CCL3L3: variants seen among roughly 807,000 people sequenced by gnomAD.
CCL3L3 encodes the protein C-C motif chemokine 3-like 1.
Under a neutral mutation model 9.0 loss-of-function variants are expected in CCL3L3, and 6 were observed. The ratio of observed to expected loss-of-function variants is 0.67; its 90% CI spans 0.37 to 1.32. CCL3L3 has a LOEUF of 1.32. CCL3L3 is among the 40% of genes most tolerant of loss of function. The pLI is 0.02. For synonymous variants in CCL3L3, 38 were observed against 45.7 expected (o/e 0.83, Z 0.68); for missense variants, 93 against 117.0 (o/e 0.79, Z 0.95).
intron 1 of CCL3L3, 113 bp downstream of exon 1, chr17:36,196,485 G>A (rs1326120091): frequency 2.0e-5 from 26 of 1,299,998 alleles, no homozygotes; most frequent in South Asian, 6.1e-5. Context: ...GTTTGGCAGC[G>A]CTTTAAGAAC....
chr17:36,195,946 A>T, intron 1 of CCL3L3, 34 bp from the exon 2 acceptor site: 3 of 1,204,686 alleles, frequency 2.5e-6, no homozygotes, highest in Non-Finnish European at 3.4e-6. Context: ...CCCGAGTCAC[A>T]GCTCAGAAGA....
At chr17:36,195,455 G>T (rs1339438919) in intron 2 of CCL3L3, 79 bp from the exon 3 acceptor site, 6 of 1,518,048 alleles carry the variant, frequency 4.0e-6, no homozygotes, top group Non-Finnish European at 5.5e-6. Context: ...CTGACATCCT[G>T]CTCTCTGTCC....
chr17:36,195,065 A>G lies in CCL3L3; in HGVS notation c.*221T>C. ...ACAGGGGGAACTCTCAGAGCAAACA[A>G]TCACAAACACACTGTGAAATCAAAA... On this transcript the variant is annotated 3_prime_UTR_variant, in exon 3 of 3. Transcript: ENST00000619989. 1.9e-6 allele frequency: 1 copy of G among 539,444 alleles called. No homozygotes were observed. The highest frequency in any genetic ancestry group is 3.3e-6 in the Non-Finnish European group (1 of 303,864). The allele number at this position is 539,444 out of a possible 1,614,324, so 33.4% of individuals were successfully genotyped here. A position where few individuals can be genotyped will look rare whatever the true frequency, so the allele number is the denominator to read the frequency against.
In CCL3L3 at chr17:36,196,534, A is replaced by G. The variant is rs577452125; in HGVS notation, c.76+64T>C. On this transcript the variant is annotated intron_variant, in intron 1 of 2. Coordinates refer to ENST00000619989, the MANE Select transcript of CCL3L3 (RefSeq NM_001001437.4). ...CTTCGGGGCTCTCAGGCCACAAAAAAAGACTGATGTGGTCTAACCATGGCC... is the reference window on the plus strand; with the variant it reads ...CTTCGGGGCTCTCAGGCCACAAAAAGAGACTGATGTGGTCTAACCATGGCC... 1.4e-3 allele frequency: 2,217 copies of G among 1,535,802 alleles called. 235 individuals carry two copies. The highest frequency in any genetic ancestry group is 1.7e-3 in the Non-Finnish European group (1,902 of 1,115,144).
At chr17:36,196,019 A>C in intron 1 of CCL3L3, 107 bp from the exon 2 acceptor site, 4 of 1,280,288 alleles carry the variant, frequency 3.1e-6, no homozygotes, top group Non-Finnish European at 3.4e-6. Context: ...AGACCAAGTG[A>C]CTGCAAGGCA....
intron 1 of CCL3L3, chr17:36,196,215 A>T (rs2068619633): frequency 1.6e-6 from 1 of 637,778 alleles, no homozygotes; most frequent in Admixed American, 2.1e-5. Context: ...GAAGCCCTGG[A>T]CATCTCTCAT....
intron 1 of CCL3L3, 61 bp downstream of exon 1, chr17:36,196,537 A>G (rs1332768353): frequency 1.3e-6 from 2 of 1,537,094 alleles, no homozygotes; most frequent in South Asian, 2.3e-5. Flanking sequence ...ACAAAAAAAG[A>G]CTGATGTGGT....
Position 36,196,670 on chromosome 17 carries a change from G to A in CCL3L3, c.4C>T (p.Gln2Ter). 1 of 1,580,722 alleles carries A rather than the reference G, an allele frequency of 6.3e-7. No homozygotes were observed. Among genetic ancestry groups the A allele is most frequent in the Admixed American group, 1.7e-5 (1 of 59,070 alleles). Residue 2 changes from glutamine to a stop codon, truncating the protein, a stop_gained, in exon 1 of 3, where the codon CAG becomes TAG. Transcript: ENST00000619989. LOFTEE classifies it high-confidence loss of function. ...ACGGCAAGGGCAGCAGTGGAGACCT[G>A]CATGATTGGGAGCAGGTGATGGAAT... M[Q>*]VSTAALAVLL...
intron 2 of CCL3L3, 36 bp downstream of exon 2, chr17:36,195,762 A>G: frequency 6.4e-7 from 1 of 1,574,496 alleles, no homozygotes; most frequent in Non-Finnish European, 8.7e-7. Flanking sequence ...GACACTCCCT[A>G]CCTCCCTAGA....
chr17:36,196,593 C>G lies in CCL3L3; in HGVS notation c.76+5G>C, dbSNP rs556692899. 1 of 1,581,170 alleles carries G rather than the reference C, an allele frequency of 6.3e-7. No homozygotes were observed. Among genetic ancestry groups the G allele is most frequent in the Admixed American group, 1.7e-5 (1 of 59,140 alleles). ...GTGATACCCACAACAACAACATGGA[C>G]TCACGTGGTGCAGAGAGGACCTGGT... On this transcript the variant is annotated splice_donor_5th_base_variant and intron_variant, in intron 1 of 2. Transcript: ENST00000619989.
Position 36,195,272 on chromosome 17 carries a change from A to C in CCL3L3, c.*14T>G. On this transcript the variant is annotated 3_prime_UTR_variant, in exon 3 of 3. Transcript: ENST00000619989. ...GCCCACTGAGGTCGCTGGGCCTCGA[A>C]GCTTCTGGACCCCTCAGGCACTCAG... 1 of 1,581,854 alleles carries C rather than the reference A, an allele frequency of 6.3e-7. No individual in the cohort carries two copies. The highest frequency in any genetic ancestry group is 1.3e-5 in the African/African-American group (1 of 74,878).
intron 2 of CCL3L3, 146 bp from the exon 3 acceptor site, chr17:36,195,522 G>T: frequency 8.2e-7 from 1 of 1,218,084 alleles, no homozygotes; most frequent in South Asian, 1.2e-5. Context: ...TCCGTCTAGA[G>T]AGCTTCTCTC....
In CCL3L3 at chr17:36,194,981, A is replaced by G. The variant is rs2068604655; in HGVS notation, c.*305T>C. ...TGGCTTTGGTGCCATGACTGCCTAC[A>G]CAGGCCGATGACAGCCACTCGGTTG... On this transcript the variant is annotated 3_prime_UTR_variant, in exon 3 of 3. Transcript: ENST00000619989. The G allele has an allele frequency of 2.7e-6, 1 of 371,844 alleles. No homozygotes were observed. The highest frequency in any genetic ancestry group is 3.9e-5 in the South Asian group (1 of 25,694). 23.0% of individuals were successfully genotyped at this position (371,844 alleles called of 1,614,324 possible).
chr17:36,195,632 CA>C, intron 2 of CCL3L3, 165 bp downstream of exon 2: 1 of 1,095,266 alleles, frequency 9.1e-7, no homozygotes, highest in Non-Finnish European at 1.4e-6. Context: ...CTGTAACACC[CA>C]CCTCACTCCA....
chr17:36,195,330 C>A lies in CCL3L3; in HGVS notation c.238G>T (p.Glu80Ter). 2 of 1,582,704 alleles carry A rather than the reference C, an allele frequency of 1.3e-6. No homozygotes were observed. Among genetic ancestry groups the A allele is most frequent in the South Asian group, 1.1e-5 (1 of 89,170 alleles). Residue 80 changes from glutamate (E) to a stop codon, truncating the protein, a stop_gained, in exon 3 of 3, where the codon GAG (glutamate) becomes TAG (stop). Transcript: ENST00000619989. LOFTEE classifies it high-confidence loss of function. ...TCACTGACGTATTTCTGGACCCACT[C>A]CTCACTGGGGTCAGCACAGACCTGC... is the stretch of plus-strand genomic sequence containing the variant. ...GRQVCADPSE[E>*]WVQKYVSDLE...
chr17:36,195,081 GA>G lies in CCL3L3; in HGVS notation c.*204del. The G allele has an allele frequency of 1.7e-6, 1 of 582,476 alleles. No homozygotes were observed. The highest frequency in any genetic ancestry group is 3.0e-6 in the Non-Finnish European group (1 of 334,556). The allele number at this position is 582,476 out of a possible 1,614,324, so 36.1% of individuals were successfully genotyped here. A position where few individuals can be genotyped will look rare whatever the true frequency, so the allele number is the denominator to read the frequency against. ...GAGCAAACAATCACAAACACACTGTGAAATCAAAAATAAATTATAAAAACTA... is the reference window on the plus strand; with the variant it reads ...GAGCAAACAATCACAAACACACTGTGAATCAAAAATAAATTATAAAAACTA... On this transcript the variant is annotated 3_prime_UTR_variant, in exon 3 of 3. Coordinates refer to ENST00000619989, the MANE Select transcript of CCL3L3 (RefSeq NM_001001437.4).
Position 36,196,720 on chromosome 17 carries a change from A to G in CCL3L3, c.-47T>C. 8 of 1,551,306 alleles carry G rather than the reference A, an allele frequency of 5.2e-6. 1 individual carries two copies. In the South Asian group the frequency reaches 8.0e-5, roughly 15 times the overall value. On this transcript the variant is annotated 5_prime_UTR_variant, in exon 1 of 3. Coordinates refer to ENST00000619989, the MANE Select transcript of CCL3L3 (RefSeq NM_001001437.4). Reference sequence around the variant, plus strand: ...TGTGGGCTCGAGTGTCAGCAGAGCCAAGAAGGGACTGACTACTCTTTGCTG... The same window carrying G: ...TGTGGGCTCGAGTGTCAGCAGAGCCGAGAAGGGACTGACTACTCTTTGCTG...
chr17:36,195,513 C>T, intron 2 of CCL3L3, 137 bp from the exon 3 acceptor site: 1 of 1,250,432 alleles, frequency 8.0e-7, no homozygotes, highest in Non-Finnish European at 1.2e-6. Context: ...CTGCCTATCT[C>T]CGTCTAGAGA....
In CCL3L3 at chr17:36,196,098, T is replaced by C. The variant is rs1339416558; in HGVS notation, c.77-186A>G. On this transcript the variant is annotated intron_variant, in intron 1 of 2. Transcript: ENST00000619989. ...ATTCCTCTTTCCCCTTGACTCTTCA[T>C]AGTGGGTTCTCTGTTTCTCTATGTG... The C allele has an allele frequency of 9.9e-6, 7 of 710,100 alleles. No homozygotes were observed. In the East Asian group the frequency reaches 1.3e-4, roughly 13 times the overall value. 44.0% of individuals were successfully genotyped at this position (710,100 alleles called of 1,614,324 possible).
Sources: gnomAD v4.1 joint callset for allele counts on GRCh38, gnomAD v4.1.1 for gene constraint, MANE v1.5 for transcripts, NCBI Gene and HGNC (gene_info 2026-07-23, HGNC 2026-07-21) for gene names.